Variants in SHANK2 observed in about 807,000 individuals in gnomAD.
SHANK2 encodes the protein SH3 and multiple ankyrin repeat domains protein 2.
SHANK2 carries 43 observed loss-of-function variants against 133.7 expected under a neutral mutation model. The observed-to-expected ratio is 0.32, with a 90% CI of 0.25 to 0.41. The LOEUF is 0.41. Among genes scored for constraint, SHANK2 ranks in the 10% least tolerant of loss-of-function variants. The pLI, the probability that SHANK2 is intolerant of heterozygous loss-of-function variation, is 1.00. For missense variants in SHANK2, 1,994 were observed against 2,235.8 expected, an observed-to-expected ratio of 0.89 and a Z score of 2.18; for synonymous variants, 1,017 against 952.8, an observed-to-expected ratio of 1.07 and a Z score of -1.24.
Position 71,058,318 on chromosome 11 carries a change from A to C in SHANK2, c.1030-1760T>G, listed in dbSNP as rs894484909. Among the ~76,000 whole-genome samples the C allele has an allele frequency of 2.7e-3, 409 of 152,354 alleles. 2 individuals are homozygous for C. The highest frequency in any genetic ancestry group is 9.2e-3 in the African/African-American group (381 of 41,584). On this transcript the variant is annotated intron_variant, in intron 9 of 25. Transcript: ENST00000601538. ...CTCTGAAGCTCCCAGTGAGGACTGC[A>C]GCAGCAAATAACTACTAATAAAAAG...
chr11:70,730,254 G>A (rs1555031800), intron 14 of SHANK2, among the ~76,000 whole-genome samples: 2 of 152,096 alleles, frequency 1.3e-5, no homozygotes, highest in Non-Finnish European at 2.9e-5. Flanking sequence ...TGTGTACATT[G>A]GTTCAACGAA....
chr11:70,655,917 T>C (rs1246040790), intron 17 of SHANK2, among the ~76,000 whole-genome samples: 3 of 152,128 alleles, frequency 2.0e-5, no homozygotes, highest in Non-Finnish European at 4.4e-5. Context: ...TGATTCTGAT[T>C]CAGGGCGTGT....
Position 70,471,410 on chromosome 11 carries a change from T to C in SHANK2, c.*1459A>G, listed in dbSNP as rs1283651843. 1 of 398,790 alleles carries C rather than the reference T, an allele frequency of 2.5e-6. No individual in the cohort carries two copies. The highest frequency in any genetic ancestry group is 4.4e-5 in the Admixed American group (1 of 22,724). 24.7% of individuals were successfully genotyped at this position (398,790 alleles called of 1,614,324 possible). A position where few individuals can be genotyped will look rare whatever the true frequency, so the allele number is the denominator to read the frequency against. On this transcript the variant is annotated 3_prime_UTR_variant, in exon 26 of 26. Transcript: ENST00000601538. The surrounding 1 kb of genome is among the most constrained non-coding windows in gnomAD (Gnocchi z 4.1). ...GCCTGACTGTGTGTTTTGCGGCCCA[T>C]GTGCATCTGGTGACCTCTTTTGGAA...
At chr11:71,097,075 C>T (rs1951628529) in intron 6 of SHANK2, among the ~76,000 whole-genome samples, 1 of 152,156 alleles carries the variant, frequency 6.6e-6, no homozygotes, top group African/African-American at 2.4e-5. Context: ...TATGTGTGGT[C>T]CTTGGGTGGC....
chr11:70,894,072 A>T (rs1555075232), intron 11 of SHANK2, among the ~76,000 whole-genome samples: 1 of 152,262 alleles, frequency 6.6e-6, no homozygotes, highest in African/African-American at 2.4e-5. Context: ...CATCATAAAT[A>T]AGAAAGGTAT....
intron 17 of SHANK2, among the ~76,000 whole-genome samples, chr11:70,571,606 AG>A (rs1554983106): frequency 6.6e-6 from 1 of 152,026 alleles, no homozygotes; most frequent in African/African-American, 2.4e-5. Flanking sequence ...GGGTCTAGGG[AG>A]GAGAGGTGAG....
chr11:70,534,332 A>G (rs1554973782), intron 17 of SHANK2, among the ~76,000 whole-genome samples: 1 of 152,096 alleles, frequency 6.6e-6, no homozygotes, highest in Non-Finnish European at 1.5e-5. Context: ...GTGAAAATTC[A>G]CTCACTATCA....
Position 70,500,612 on chromosome 11 carries a change from G to T in SHANK2, c.2288-22C>A, listed in dbSNP as rs568525119. 7 of 1,598,278 alleles carry T rather than the reference G, an allele frequency of 4.4e-6. No individual in the cohort carries two copies. Among genetic ancestry groups the T allele is most frequent in the Non-Finnish European group, 6.0e-6 (7 of 1,173,056 alleles). On this transcript the variant is annotated intron_variant, in intron 20 of 25. Transcript: ENST00000601538. The surrounding 1 kb of genome is among the most constrained non-coding windows in gnomAD (Gnocchi z 4.5). Reference sequence around the variant, plus strand: ...GAGGCTTGCAAACAGAAAGGGGACCGCCATGAGCCACCAGGATGCAGCGCC... The same window carrying T: ...GAGGCTTGCAAACAGAAAGGGGACCTCCATGAGCCACCAGGATGCAGCGCC...
At chr11:70,873,540 G>C (rs116264152) in intron 11 of SHANK2, among the ~76,000 whole-genome samples, 9 of 152,160 alleles carry the variant, frequency 5.9e-5, no homozygotes, top group Admixed American at 5.9e-4. Flanking sequence ...AAGGAGGAGC[G>C]GCTGCCACAC....
rs530977960 is a variant in SHANK2, at chr11:70,807,713, C to T, written c.1494-542G>A. 1.2e-4 allele frequency among the ~76,000 whole-genome samples: 18 copies of T among 152,124 alleles called. No individual in the cohort carries two copies. The highest frequency in any genetic ancestry group is 8.5e-4 in the Admixed American group (13 of 15,284). ...GGTGTGGTGGTGAGCACCTGTAATC[C>T]GGGCTACTGGAGAGGCTGAGGCAGG... On this transcript the variant is annotated intron_variant, in intron 12 of 25. Coordinates refer to ENST00000601538, the MANE Select transcript of SHANK2 (RefSeq NM_012309.5). This position sits in a 1 kb window ranked among gnomAD's most constrained non-coding sequence, Gnocchi z 4.8.
intron 2 of SHANK2, among the ~76,000 whole-genome samples, chr11:71,213,869 G>A (rs1482266276): frequency 2.6e-5 from 4 of 152,160 alleles, no homozygotes; most frequent in Non-Finnish European, 4.4e-5. Flanking sequence ...GGGAGAGACC[G>A]CCCCTTCCAG....
At chr11:70,556,853 A>C (rs2059838919) in intron 17 of SHANK2, among the ~76,000 whole-genome samples, 1 of 151,554 alleles carries the variant, frequency 6.6e-6, no homozygotes, top group South Asian at 2.1e-4. Context: ...TGGCCTCCTA[A>C]AGTGAGCCAT....
intron 14 of SHANK2, among the ~76,000 whole-genome samples, chr11:70,748,340 G>T (rs1946685532): frequency 6.6e-6 from 1 of 152,124 alleles, no homozygotes; most frequent in African/African-American, 2.4e-5. Flanking sequence ...GGGGCAAAAG[G>T]TCCTTTTGGC....
chr11:70,833,362 G>A (rs1948758830), intron 11 of SHANK2, among the ~76,000 whole-genome samples: 1 of 152,208 alleles, frequency 6.6e-6, no homozygotes, highest in South Asian at 2.1e-4. Flanking sequence ...AGAGTCTTCT[G>A]CCTCCTGCAT....
At position 70,857,999 on chromosome 11, in the gene SHANK2, C is replaced by T. The variant is rs1590764465; in HGVS notation, c.1175-37317G>A. ...ACTGTAGCATGATGGATTATCTGGGCCTGTGGCAAGTTGCAAGACACCATT... is the reference window on the plus strand; with the variant it reads ...ACTGTAGCATGATGGATTATCTGGGTCTGTGGCAAGTTGCAAGACACCATT... On this transcript the variant is annotated intron_variant, in intron 11 of 25. Coordinates refer to ENST00000601538, the MANE Select transcript of SHANK2 (RefSeq NM_012309.5). Among the ~76,000 whole-genome samples, 4 of 152,290 alleles carry T rather than the reference C, an allele frequency of 2.6e-5. No individual in the cohort carries two copies. In the East Asian group the frequency reaches 7.7e-4, roughly 29 times the overall value.
At chr11:70,913,189 T>A (rs544979102) in intron 10 of SHANK2, among the ~76,000 whole-genome samples, 1 of 152,172 alleles carries the variant, frequency 6.6e-6, no homozygotes, top group South Asian at 2.1e-4. Context: ...GGCATTCAAT[T>A]TATAATTAAT....
intron 17 of SHANK2, among the ~76,000 whole-genome samples, chr11:70,642,911 A>G (rs1555006872): frequency 1.3e-5 from 2 of 152,236 alleles, no homozygotes; most frequent in South Asian, 4.1e-4. Context: ...ATAATAATTT[A>G]TTGCATATTT....
intron 17 of SHANK2, among the ~76,000 whole-genome samples, chr11:70,615,782 T>G (rs1554995750): frequency 6.6e-6 from 1 of 152,184 alleles, no homozygotes; most frequent in African/African-American, 2.4e-5. Flanking sequence ...TCCTGGGGTT[T>G]GGTGGTAGAA....
chr11:70,873,172 G>A (rs1555070546), intron 11 of SHANK2: 2 of 466,112 alleles, frequency 4.3e-6, no homozygotes, highest in South Asian at 3.1e-5. Context: ...CAGCAACCGT[G>A]GCATCCCAGC....
Sources: allele counts gnomAD v4.1 joint callset (sites outside exome capture counted in the v4.1 genomes callset), GRCh38; gene constraint gnomAD v4.1.1; non-coding constraint Gnocchi (gnomAD v3.1); transcripts MANE v1.5; gene names NCBI Gene and HGNC (gene_info 2026-07-23, HGNC 2026-07-21).